CNTNAP2: variants seen among roughly 807,000 people sequenced by gnomAD.
CNTNAP2 encodes contactin associated protein 2, also known as contactin-associated protein-like 2.
In CNTNAP2, 98 loss-of-function variants were observed where a neutral mutation model predicts 155.2. That is an observed-to-expected ratio of 0.63 (90% confidence interval 0.54 to 0.75). The LOEUF is 0.75. Among genes scored for constraint, CNTNAP2 ranks in the 30% least tolerant of loss-of-function variants. CNTNAP2 has a pLI of 0.00. For synonymous variants in CNTNAP2, 651 were observed against 631.2 expected (o/e 1.03, Z -0.47); for missense variants, 1,727 against 1,688.1 (o/e 1.02, Z -0.40).
intron 13 of CNTNAP2, among the ~76,000 whole-genome samples, chr7:147,747,356 T>C (rs879797505): frequency 3.3e-5 from 5 of 152,190 alleles, no homozygotes; most frequent in Admixed American, 3.3e-4. Flanking sequence ...ACCACAAGTG[T>C]TTTTAGGATT....
intron 13 of CNTNAP2, among the ~76,000 whole-genome samples, chr7:147,820,476 T>C (rs1202642918): frequency 6.6e-6 from 1 of 152,136 alleles, no homozygotes; most frequent in Non-Finnish European, 1.5e-5. Flanking sequence ...CCTATTTATT[T>C]TCTTAGTGGT....
intron 11 of CNTNAP2, among the ~76,000 whole-genome samples, chr7:147,539,340 CCTT>C (rs752642746): frequency 2.0e-5 from 3 of 152,076 alleles, no homozygotes; most frequent in Non-Finnish European, 4.4e-5. Flanking sequence ...GTGCTATTCC[CCTT>C]CTACAGATAA....
chr7:148,299,076 T>C (rs1333256782), intron 21 of CNTNAP2, among the ~76,000 whole-genome samples: 3 of 151,422 alleles, frequency 2.0e-5, no homozygotes, highest in African/African-American at 4.9e-5. Context: ...CCACAATCTC[T>C]GCCTCCCAGG....
chr7:147,560,281 G>A (rs747974804), intron 11 of CNTNAP2, among the ~76,000 whole-genome samples: 3 of 151,308 alleles, frequency 2.0e-5, no homozygotes, highest in East Asian at 1.9e-4. Context: ...AGTTGAAACA[G>A]CCTAAATACT....
intron 15 of CNTNAP2, among the ~76,000 whole-genome samples, chr7:148,082,449 T>A (rs1276643676): frequency 6.6e-6 from 1 of 152,044 alleles, no homozygotes; most frequent in Non-Finnish European, 1.5e-5. Context: ...TCTTGTAATA[T>A]CCACAGCAAA....
chr7:148,255,637 T>G (rs1409604569), intron 20 of CNTNAP2, among the ~76,000 whole-genome samples: 1 of 152,210 alleles, frequency 6.6e-6, no homozygotes, highest in Non-Finnish European at 1.5e-5. Flanking sequence ...ATGATTTCAA[T>G]TACTCTAGAC....
chr7:148,151,290 A>G (rs138060523), intron 17 of CNTNAP2, among the ~76,000 whole-genome samples: 1 of 152,110 alleles, frequency 6.6e-6, no homozygotes, highest in Non-Finnish European at 1.5e-5. Context: ...AATTATTATC[A>G]TTATTATTAA....
At chr7:147,728,834 T>C (rs1450776921) in intron 13 of CNTNAP2, among the ~76,000 whole-genome samples, 1 of 151,826 alleles carries the variant, frequency 6.6e-6, no homozygotes, top group Non-Finnish European at 1.5e-5. Context: ...GAAAAATGAA[T>C]TGTCCTATCC....
At chr7:146,385,880 A>G (rs960727934) in intron 1 of CNTNAP2, among the ~76,000 whole-genome samples, 1 of 152,232 alleles carries the variant, frequency 6.6e-6, no homozygotes, top group African/African-American at 2.4e-5. Context: ...TTTAAAGGAT[A>G]GATAAAGTAA....
chr7:147,717,196 G>A (rs145473211), intron 13 of CNTNAP2, among the ~76,000 whole-genome samples: 2,498 of 152,138 alleles, frequency 0.016, 224 homozygotes, highest in Admixed American at 0.15. Context: ...TGATTTAAAT[G>A]AAATGTCGTA....
At chr7:147,942,804 G>A (rs556242701) in intron 14 of CNTNAP2, among the ~76,000 whole-genome samples, 3 of 152,236 alleles carry the variant, frequency 2.0e-5, no homozygotes, top group Admixed American at 6.5e-5. Context: ...TTGGGAGGCC[G>A]AGGTGGGCGG....
chr7:146,973,788 A>C (rs776658031), intron 3 of CNTNAP2, among the ~76,000 whole-genome samples: 1 of 152,188 alleles, frequency 6.6e-6, no homozygotes, highest in Non-Finnish European at 1.5e-5. Flanking sequence ...CCCAATTGGC[A>C]TCATTCATGA....
At chr7:146,633,873 G>A (rs1799554040) in intron 1 of CNTNAP2, among the ~76,000 whole-genome samples, 1 of 143,540 alleles carries the variant, frequency 7.0e-6, no homozygotes, top group Admixed American at 6.9e-5. Flanking sequence ...CGTCTAAGTT[G>A]CAGGAAGTCA....
At chr7:146,264,150 G>A (rs929972425) in intron 1 of CNTNAP2, among the ~76,000 whole-genome samples, 2 of 152,018 alleles carry the variant, frequency 1.3e-5, no homozygotes, top group Non-Finnish European at 2.9e-5. Context: ...CTGTAGAAAA[G>A]CAATCTATCC....
chr7:147,694,418 T>C (rs1360637138), intron 13 of CNTNAP2, among the ~76,000 whole-genome samples: 1 of 152,150 alleles, frequency 6.6e-6, no homozygotes, highest in Non-Finnish European at 1.5e-5. Flanking sequence ...AGAGAATTGA[T>C]ATAAATTTCT....
chr7:146,904,780 T>G (rs570410574), intron 3 of CNTNAP2, among the ~76,000 whole-genome samples: 1 of 152,150 alleles, frequency 6.6e-6, no homozygotes, highest in African/African-American at 2.4e-5. Context: ...CGAGAATTCA[T>G]CTTTTGAGCA....
At chr7:147,229,054 T>A (rs2372911) in intron 8 of CNTNAP2, among the ~76,000 whole-genome samples, 1 of 151,550 alleles carries the variant, frequency 6.6e-6, no homozygotes, top group South Asian at 2.1e-4. Context: ...TATATATATA[T>A]ATAGAGAGAG....
At chr7:147,183,619 A>G (rs992716602) in intron 8 of CNTNAP2, among the ~76,000 whole-genome samples, 1 of 152,154 alleles carries the variant, frequency 6.6e-6, no homozygotes, top group Non-Finnish European at 1.5e-5. Context: ...AAATGTAACA[A>G]AATAGTGTGA....
intron 13 of CNTNAP2, among the ~76,000 whole-genome samples, chr7:147,872,587 C>CT (rs1799345724): frequency 6.6e-6 from 1 of 152,046 alleles, no homozygotes; most frequent in African/African-American, 2.4e-5. Flanking sequence ...GGTGTTTTGG[C>CT]CGTAACTTTC....
Sources: gnomAD v4.1 joint callset for allele counts (sites outside exome capture counted in the v4.1 genomes callset) on GRCh38, gnomAD v4.1.1 for gene constraint, MANE v1.5 for transcripts, NCBI Gene and HGNC (gene_info 2026-07-23, HGNC 2026-07-21) for gene names.